TNS1: variants seen among roughly 807,000 people sequenced by gnomAD.
The protein encoded by TNS1 is tensin 1.
In TNS1, 62 loss-of-function variants were observed where a neutral mutation model predicts 168.6. The observed-to-expected ratio is 0.37, with a 90% confidence interval of 0.30 to 0.45. The LOEUF (loss-of-function observed/expected upper bound fraction) is 0.45. Ranked by LOEUF, TNS1 falls within the 20% of genes least tolerant of loss-of-function variation. TNS1 has a pLI of 1.00. For missense variants in TNS1, 2,240 were observed against 2,339.4 expected (o/e 0.96, Z 0.88); for synonymous variants, 934 against 933.2 (o/e 1.00, Z -0.02).
intron 4 of TNS1, among the ~76,000 whole-genome samples, chr2:217,913,896 C>G (rs1253013933): frequency 6.6e-6 from 1 of 152,128 alleles, no homozygotes; most frequent in African/African-American, 2.4e-5. Flanking sequence ...GGCAGGGTCA[C>G]CAAGGGTTGT....
At position 217,848,705 on chromosome 2, in the gene TNS1, G is replaced by A. The variant is rs373984284; in HGVS notation, c.1812C>T (p.His604=). 14 of 1,614,096 alleles carry A rather than the reference G, an allele frequency of 8.7e-6. No individual in the cohort carries two copies. Among genetic ancestry groups the A allele is most frequent in the Admixed American group, 5.0e-5 (3 of 60,012 alleles). Residue 604 remains histidine, a synonymous_variant, in exon 19 of 33, where the codon CAC becomes CAT. Coordinates refer to ENST00000682258, the MANE Select transcript of TNS1 (RefSeq NM_001387777.1). ...GGSAVPSSGR[H]VVPAQVHVNG... is the part of the protein sequence containing the mutation. ...TGACATGAACCTGGGCTGGGACAAC[G>A]TGGCGTCCAGAGGAGGGCACAGCCG...
intron 22 of TNS1, among the ~76,000 whole-genome samples, chr2:217,824,307 C>T (rs1432975514): frequency 6.6e-6 from 1 of 152,192 alleles, no homozygotes; most frequent in Non-Finnish European, 1.5e-5. Flanking sequence ...AACACTAGCA[C>T]CAAAGTCTCC....
At chr2:217,815,072 C>G in intron 24 of TNS1, 74 bp from the exon 25 acceptor site, 1 of 1,234,290 alleles carries the variant, frequency 8.1e-7, no homozygotes, top group Non-Finnish European at 1.2e-6. Flanking sequence ...AAGTCCTGGC[C>G]CCCAGTGCTT....
At chr2:217,839,306 G>A (rs1255844946) in intron 19 of TNS1, among the ~76,000 whole-genome samples, 2 of 152,104 alleles carry the variant, frequency 1.3e-5, no homozygotes, top group African/African-American at 4.8e-5. Context: ...AAGGAGCCCT[G>A]GGCGTTCTCT....
At chr2:217,971,686 C>T (rs1957776737) in intron 3 of TNS1, among the ~76,000 whole-genome samples, 1 of 152,202 alleles carries the variant, frequency 6.6e-6, no homozygotes, top group Non-Finnish European at 1.5e-5. Flanking sequence ...TACATTCCCA[C>T]CACTGGTTAC....
intron 19 of TNS1, among the ~76,000 whole-genome samples, chr2:217,839,334 C>T (rs530764279): frequency 3.2e-4 from 48 of 152,230 alleles, no homozygotes; most frequent in African/African-American, 6.3e-4. Flanking sequence ...GCTTCATACA[C>T]GGGCATCAGG....
Position 217,809,983 on chromosome 2 carries a change from C to T in TNS1, c.5113G>A (p.Val1705Met). Residue 1705 changes from valine to methionine, a missense_variant, in exon 30 of 33, where the codon GTG becomes ATG. By Grantham distance (21) the Val-to-Met change is conservative (BLOSUM62 1). Around this residue, in one of 2 missense-constraint regions of TNS1, gnomAD observed 2,131 missense variants for 2,171.2 expected, o/e 0.98. Coordinates refer to ENST00000682258, the MANE Select transcript of TNS1 (RefSeq NM_001387777.1). ...ATGTCCACAGAGTTGACGAAGAGCA[C>T]ATTGCAGGCTGGAAGAAACCAACCC... ...DLLKQGAACN[V>M]LFVNSVDMES... 1 of 1,611,080 alleles carries T rather than the reference C, an allele frequency of 6.2e-7. No individual in the cohort carries two copies. The highest frequency in any genetic ancestry group is 1.3e-5 in the African/African-American group (1 of 74,914).
At chr2:217,866,452 T>C (rs946856448) in intron 18 of TNS1, among the ~76,000 whole-genome samples, 21 of 152,116 alleles carry the variant, frequency 1.4e-4, no homozygotes, top group African/African-American at 4.1e-4. Flanking sequence ...TCCAAACTTG[T>C]CTGAGGCTAT....
intron 3 of TNS1, among the ~76,000 whole-genome samples, chr2:217,921,900 G>A (rs922432864): frequency 6.6e-6 from 1 of 152,148 alleles, no homozygotes; most frequent in South Asian, 2.1e-4. Flanking sequence ...GGCATGGATG[G>A]GTTAAATTGC....
intron 1 of TNS1, among the ~76,000 whole-genome samples, chr2:218,017,738 G>A (rs1958774069): frequency 6.6e-6 from 1 of 152,246 alleles, no homozygotes. Flanking sequence ...GTAATCGTGA[G>A]GATTAAATTA....
chr2:217,813,147 TG>T lies in TNS1; in HGVS notation c.4954+67del. On this transcript the variant is annotated intron_variant, in intron 27 of 32. Coordinates refer to ENST00000682258, the MANE Select transcript of TNS1 (RefSeq NM_001387777.1). The surrounding 1 kb of genome is among the most constrained non-coding windows in gnomAD (Gnocchi z 4.0). The stretch of plus-strand genomic sequence containing the variant: ...CAGAAAGAACTTGGGGTCAGACCCC[TG>T]GAGGAACCCAGGACAGGACCAAGAC... 8.1e-7 allele frequency: 1 copy of T among 1,233,378 alleles called. No individual in the cohort carries two copies. Among genetic ancestry groups the T allele is most frequent in the Non-Finnish European group, 1.2e-6 (1 of 855,496 alleles). 76.4% of individuals were successfully genotyped at this position (1,233,378 alleles called of 1,614,324 possible).
rs1942323474 is a variant in TNS1 at position 217,818,654 on chromosome 2, C to T, written c.3678G>A (p.Gln1226=). 1.9e-6 allele frequency: 3 copies of T among 1,614,222 alleles called. No homozygotes were observed. The highest frequency in any genetic ancestry group is 2.7e-5 in the African/African-American group (2 of 75,056). ...ESGFRSGSLG[Q]PSPSAQRNYQ... is the part of the protein sequence containing the mutation. Reference sequence around the variant, plus strand: ...AGTTTCTCTGGGCAGACGGGCTGGGCTGTCCCAGGCTGCCTGAGCGGAAGC... The same window carrying T: ...AGTTTCTCTGGGCAGACGGGCTGGGTTGTCCCAGGCTGCCTGAGCGGAAGC... Residue 1226 remains glutamine, a synonymous_variant, in exon 24 of 33, where the codon CAG becomes CAA. Transcript: ENST00000682258.
At chr2:217,834,021 T>C (rs1174926315) in intron 21 of TNS1, among the ~76,000 whole-genome samples, 2 of 152,288 alleles carry the variant, frequency 1.3e-5, no homozygotes, top group South Asian at 4.1e-4. Flanking sequence ...TTTCCTGTTA[T>C]GCTTTTTAAT....
At position 217,854,643 on chromosome 2, in the gene TNS1, T is replaced by G. The variant is rs542854569; in HGVS notation, c.1430-5556A>C. 3.9e-5 allele frequency among the ~76,000 whole-genome samples: 6 copies of G among 152,316 alleles called. No homozygotes were observed. The South Asian group carries it at 1.2e-3, about 32-fold the overall frequency. On this transcript the variant is annotated intron_variant, in intron 18 of 32. Coordinates refer to ENST00000682258, the MANE Select transcript of TNS1 (RefSeq NM_001387777.1). ...TGGGGAATCCAAGGCCACGTGCATC[T>G]GAGAGGTAGGTGAGCTTTGATGAGA...
At chr2:217,805,506 ACCACACACAC>A (rs1559131967) in intron 32 of TNS1, among the ~76,000 whole-genome samples, 14 of 49,846 alleles carry the variant, frequency 2.8e-4, no homozygotes, top group Non-Finnish European at 3.9e-4. Flanking sequence ...CACACACACC[ACCACACACAC>A]CACACACACC....
chr2:217,936,794 A>T (rs1185438512), intron 3 of TNS1, among the ~76,000 whole-genome samples: 2 of 151,890 alleles, frequency 1.3e-5, no homozygotes, highest in African/African-American at 4.8e-5. Context: ...GCCTCCATAT[A>T]CTGTGGGTTT....
At position 218,002,907 on chromosome 2, in the gene TNS1, G is replaced by A. The variant is rs1466268477; in HGVS notation, c.-35C>T. 1 of 456,740 alleles carries A rather than the reference G, an allele frequency of 2.2e-6. No homozygotes were observed. Among genetic ancestry groups the A allele is most frequent in the South Asian group, 1.5e-5 (1 of 64,572 alleles). The allele number at this position is 456,740 out of a possible 1,614,324, so 28.3% of individuals were successfully genotyped here. On this transcript the variant is annotated 5_prime_UTR_variant, in exon 1 of 33. Transcript: ENST00000682258. ...GTCCCGTCACTGAGGCACGCCCAGGGCCTGTGAAGAGCCCCTGAAGCTAGA... is the reference window on the plus strand; with the variant it reads ...GTCCCGTCACTGAGGCACGCCCAGGACCTGTGAAGAGCCCCTGAAGCTAGA...
At chr2:217,974,135 T>A (rs1412267962) in intron 3 of TNS1, among the ~76,000 whole-genome samples, 3 of 152,242 alleles carry the variant, frequency 2.0e-5, no homozygotes, top group Admixed American at 2.0e-4. Flanking sequence ...TGGGGTATAT[T>A]GACTTGAAGG....
chr2:217,867,814 G>C (rs1402066859), intron 18 of TNS1, among the ~76,000 whole-genome samples: 2 of 152,186 alleles, frequency 1.3e-5, no homozygotes, highest in African/African-American at 4.8e-5. Context: ...TTCAAGTCTT[G>C]GCTCAAGTGT....
Sources: gnomAD v4.1 joint callset for allele counts (sites outside exome capture counted in the v4.1 genomes callset) on GRCh38, gnomAD v4.1.1 for gene constraint, gnomAD v4.1.1 regional missense constraint, Gnocchi (gnomAD v3.1) non-coding constraint, MANE v1.5 for transcripts, NCBI Gene and HGNC (gene_info 2026-07-23, HGNC 2026-07-21) for gene names.